EPG5: variants seen among roughly 807,000 people sequenced by gnomAD.
EPG5 encodes the protein ectopic P-granules 5 autophagy tethering factor.
EPG5 carries 159 observed loss-of-function variants against 302.7 expected under a neutral mutation model. That is an observed-to-expected ratio of 0.53 (90% CI 0.46 to 0.60). The LOEUF is 0.60. EPG5 is among the 20% of genes least tolerant of loss of function. The pLI, the probability that EPG5 is intolerant of heterozygous loss-of-function variation, is 0.00. For missense variants in EPG5, 2,896 were observed against 3,092.4 expected, an observed-to-expected ratio of 0.94 and a Z score of 1.51; for synonymous variants, 1,158 against 1,136.8, an observed-to-expected ratio of 1.02 and a Z score of -0.37.
chr18:45,830,762 T>C, the EPG5 span, among the ~76,000 whole-genome samples: 4 of 147,706 alleles, frequency 2.7e-5, no homozygotes. Context: ...ATTTTTTTTT[T>C]TTTTTTTTTG....
chr18:45,837,947 T>C, the EPG5 span: 1 of 1,428,192 alleles, frequency 7.0e-7, no homozygotes, highest in Non-Finnish European at 9.1e-7. Context: ...CCCTCCCGCC[T>C]GCCCCGCCCC....
intron 30 of EPG5, 99 bp from the exon 31 acceptor site, chr18:45,882,586 A>G: frequency 1.2e-6 from 1 of 841,874 alleles, no homozygotes; most frequent in Non-Finnish European, 1.8e-6. Context: ...GCCAAAAATT[A>G]CCCAGCATTT....
rs1286040571 is a variant in EPG5, at chr18:45,865,828, G to A, written c.6622-69C>T. ...AAGGAGTGTTAACTGCATATTTCCT[G>A]GGAGCATGGCACTGCAATGAATGCT... On this transcript the variant is annotated intron_variant, in intron 38 of 43. Transcript: ENST00000282041. The A allele has an allele frequency of 9.2e-6, 14 of 1,517,622 alleles. No individual in the cohort carries two copies. The Admixed American group carries it at 2.0e-4, about 22-fold the overall frequency. 94.0% of individuals were successfully genotyped at this position (1,517,622 alleles called of 1,614,324 possible).
rs2048413002 is a variant in EPG5 at position 45,850,773 on chromosome 18, G to A, written c.*1694C>T. The A allele has an allele frequency of 6.6e-6, 1 of 152,616 alleles. No individual in the cohort carries two copies. The highest frequency in any genetic ancestry group is 6.5e-5 in the Admixed American group (1 of 15,282). 9.5% of individuals were successfully genotyped at this position (152,616 alleles called of 1,614,324 possible). On this transcript the variant is annotated 3_prime_UTR_variant, in exon 44 of 44. Transcript: ENST00000282041. ...AAAAATTTCACATCCTAGGATATCA[G>A]TAATTATATCCTCCTCAAAGAAAAC...
the EPG5 span, among the ~76,000 whole-genome samples, chr18:45,800,719 T>C: frequency 1.3e-5 from 2 of 152,164 alleles, no homozygotes; most frequent in Non-Finnish European, 2.9e-5. Context: ...CTGGGGAAAT[T>C]TGTGTCCCTC....
At chr18:45,824,623 T>C in the EPG5 span, among the ~76,000 whole-genome samples, 1 of 152,070 alleles carries the variant, frequency 6.6e-6, no homozygotes. Context: ...AGGAGTCCCA[T>C]GAGAAGGGAT....
the EPG5 span, among the ~76,000 whole-genome samples, chr18:45,830,583 C>CTTTGTTTT: frequency 1.0e-5 from 1 of 96,702 alleles, no homozygotes; most frequent in South Asian, 3.7e-4. Flanking sequence ...ATTTTTCTTT[C>CTTTGTTTT]TTTTTTTTTT....
chr18:45,901,626 G>C (rs1452193999), intron 25 of EPG5, among the ~76,000 whole-genome samples: 3 of 152,184 alleles, frequency 2.0e-5, no homozygotes, highest in Non-Finnish European at 4.4e-5. Context: ...AGGAGGACTG[G>C]ATGCAGTAAG....
In EPG5 at chr18:45,858,562, G is replaced by A. The variant is rs187010631; in HGVS notation, c.7226+4C>T. 2.1e-5 allele frequency: 34 copies of A among 1,612,208 alleles called. No homozygotes were observed. Among genetic ancestry groups the A allele is most frequent in the South Asian group, 1.5e-4 (14 of 90,978 alleles). ...TTGATGTAACAGCCTGAGGGCCAAC[G>A]TACCTTGGGTACACCTGTTCCAGCC... On this transcript the variant is annotated splice_donor_region_variant and intron_variant, in intron 41 of 43. Coordinates refer to ENST00000282041, the MANE Select transcript of EPG5 (RefSeq NM_020964.3).
At chr18:45,816,817 G>A in the EPG5 span, among the ~76,000 whole-genome samples, 3 of 152,102 alleles carry the variant, frequency 2.0e-5, no homozygotes, top group Non-Finnish European at 4.4e-5. Context: ...ACTTGCACAC[G>A]CATGTTTATA....
intron 24 of EPG5, among the ~76,000 whole-genome samples, chr18:45,905,677 T>A (rs1485314995): frequency 6.6e-6 from 1 of 152,072 alleles, no homozygotes; most frequent in Non-Finnish European, 1.5e-5. Context: ...AACCCTGAGC[T>A]TGAATTACAG....
chr18:45,925,996 T>A (rs2050260171), intron 13 of EPG5, 94 bp from the exon 14 acceptor site: 1 of 858,542 alleles, frequency 1.2e-6, no homozygotes, highest in African/African-American at 1.8e-5. Flanking sequence ...TGTAAAAAAA[T>A]TTCTCCAAAA....
chr18:45,957,267 A>G (rs1203499402), intron 1 of EPG5, among the ~76,000 whole-genome samples: 1 of 152,184 alleles, frequency 6.6e-6, no homozygotes, highest in Non-Finnish European at 1.5e-5. Context: ...AACATTTACA[A>G]ATGGTAATGA....
In EPG5 at chr18:45,884,698, T is replaced by C; in HGVS notation, c.5223A>G (p.Ala1741=). 1 of 1,612,074 alleles carries C rather than the reference T, an allele frequency of 6.2e-7. No homozygotes were observed. The highest frequency in any genetic ancestry group is 8.5e-7 in the Non-Finnish European group (1 of 1,179,226). The change falls in exon 30 of 44, where the codon GCA becomes GCG. Residue 1741 remains alanine (A), a synonymous_variant. Transcript: ENST00000282041. ...CTTGCTCATACAGCTGTATGAACTC[T>C]GCAGGTGCAGCATTGGGAGTGAAGA... ...SPFFTPNAAP[A]EFIQLYEQVV... is the part of the protein sequence containing the mutation.
chr18:45,896,221 C>T (rs564499461), intron 27 of EPG5, among the ~76,000 whole-genome samples: 3 of 152,196 alleles, frequency 2.0e-5, no homozygotes, highest in Admixed American at 2.0e-4. Context: ...TTTTAATTGC[C>T]CTGGCAAATC....
At chr18:45,930,863 G>T (rs760142273) in intron 11 of EPG5, 33 bp from the exon 12 acceptor site, 1 of 1,547,806 alleles carries the variant, frequency 6.5e-7, no homozygotes, top group African/African-American at 1.4e-5. Context: ...TTAGAGTGGG[G>T]AAAGAATAAA....
chr18:45,855,625 T>C lies in EPG5; in HGVS notation c.7505A>G (p.Gln2502Arg), dbSNP rs1344970570. 6.2e-7 allele frequency: 1 copy of C among 1,614,078 alleles called. No homozygotes were observed. The highest frequency in any genetic ancestry group is 8.5e-7 in the Non-Finnish European group (1 of 1,180,028). The change falls in exon 43 of 44, where the codon CAG becomes CGG. Residue 2502 changes from glutamine (Q) to arginine (R), a missense_variant. By Grantham distance (43) the Gln-to-Arg change is conservative. Coordinates refer to ENST00000282041, the MANE Select transcript of EPG5 (RefSeq NM_020964.3). ...TTCAGAGCCAGGCCTCAAACGGATC[T>C]GATCTTCCATAGGAACCTGAACTGA... ...FLSVQVPMED[Q>R]IRLRPGSELH...
the EPG5 span, among the ~76,000 whole-genome samples, chr18:45,824,392 G>A: frequency 6.6e-6 from 1 of 152,140 alleles, no homozygotes; most frequent in Admixed American, 6.6e-5. Flanking sequence ...ATTTTTAGTA[G>A]AGACGGTGTT....
chr18:45,916,368 T>A, intron 18 of EPG5, 70 bp downstream of exon 18: 3 of 1,570,324 alleles, frequency 1.9e-6, no homozygotes, highest in Middle Eastern at 1.9e-4. Flanking sequence ...AAAACCTAAG[T>A]GTGCTAACGC....
Sources: allele counts gnomAD v4.1 joint callset (sites outside exome capture counted in the v4.1 genomes callset), GRCh38; gene constraint gnomAD v4.1.1; transcripts MANE v1.5; gene names NCBI Gene and HGNC (gene_info 2026-07-23, HGNC 2026-07-21).